Variants in SCN11A observed in about 807,000 individuals in gnomAD.
The protein encoded by SCN11A is sodium voltage-gated channel alpha subunit 11.
SCN11A carries 122 observed loss-of-function variants against 162.2 expected under a neutral mutation model. The ratio of observed to expected loss-of-function variants is 0.75; its 90% CI spans 0.65 to 0.87. SCN11A has a LOEUF of 0.87. Among genes scored for constraint, SCN11A ranks in the 40% least tolerant of loss-of-function variants. The pLI is 0.00. For synonymous variants in SCN11A, 758 were observed against 751.5 expected, an observed-to-expected ratio of 1.01 and a Z score of -0.14; for missense variants, 2,015 against 2,181.6, an observed-to-expected ratio of 0.92 and a Z score of 1.52.
intron 2 of SCN11A, among the ~76,000 whole-genome samples, chr3:38,982,037 A>G (rs2030077028): frequency 6.6e-6 from 1 of 152,010 alleles, no homozygotes; most frequent in African/African-American, 2.4e-5. Flanking sequence ...AACAAAAAGC[A>G]AAAAGAAAAA....
At chr3:39,002,317 C>A (rs2030840323) in intron 2 of SCN11A, among the ~76,000 whole-genome samples, 1 of 152,168 alleles carries the variant, frequency 6.6e-6, no homozygotes, top group South Asian at 2.1e-4. Flanking sequence ...TGACCCACAA[C>A]CAGTGCTTTA....
chr3:38,857,043 A>C (rs2064881593), intron 28 of SCN11A, among the ~76,000 whole-genome samples: 3 of 152,194 alleles, frequency 2.0e-5, no homozygotes. Flanking sequence ...GTAATAGTCT[A>C]CCCAAGTGAA....
chr3:38,861,108 G>T (rs533803426), intron 28 of SCN11A, among the ~76,000 whole-genome samples: 1 of 151,962 alleles, frequency 6.6e-6, no homozygotes, highest in African/African-American at 2.4e-5. Flanking sequence ...CAACCAAGCT[G>T]AGAAACAAAT....
At chr3:38,862,137 T>C (rs2126088434) in intron 28 of SCN11A, among the ~76,000 whole-genome samples, 1 of 151,984 alleles carries the variant, frequency 6.6e-6, no homozygotes, top group Non-Finnish European at 1.5e-5. Flanking sequence ...AGAAAAAAAA[T>C]GCTCAACATC....
In SCN11A at chr3:38,907,968, T is replaced by C; in HGVS notation, c.1454A>G (p.Asp485Gly). ...ACTTACCTTTTTTTGGCAATCTTCATCAGAATCTGACCCAGGAGGCTGGTC... is the reference window on the plus strand; with the variant it reads ...ACTTACCTTTTTTTGGCAATCTTCACCAGAATCTGACCCAGGAGGCTGGTC... ...GKDQPPGSDS[D>G]EDCQKKPQLL... The change falls in exon 14 of 30, where the codon GAT becomes GGT. Residue 485 changes from aspartate to glycine, a missense_variant. Coordinates refer to ENST00000302328, the MANE Select transcript of SCN11A (RefSeq NM_001349253.2). 1 of 1,603,224 alleles carries C rather than the reference T, an allele frequency of 6.2e-7. No homozygotes were observed. The highest frequency in any genetic ancestry group is 8.5e-7 in the Non-Finnish European group (1 of 1,177,528).
chr3:39,031,827 G>A (rs945264817), intron 2 of SCN11A, among the ~76,000 whole-genome samples: 9 of 152,112 alleles, frequency 5.9e-5, no homozygotes, highest in South Asian at 4.1e-4. Context: ...ATTAATATCC[G>A]TGATAGGCTT....
At chr3:38,892,118 G>A (rs1204239887) in intron 19 of SCN11A, among the ~76,000 whole-genome samples, 1 of 152,150 alleles carries the variant, frequency 6.6e-6, no homozygotes, top group Non-Finnish European at 1.5e-5. Context: ...CCAAAAGGCA[G>A]TGATATGATA....
At chr3:38,934,691 A>T (rs1297681265) in intron 7 of SCN11A, among the ~76,000 whole-genome samples, 1 of 151,938 alleles carries the variant, frequency 6.6e-6, no homozygotes, top group African/African-American at 2.4e-5. Context: ...TCCTAAATAT[A>T]TATGCACCCA....
chr3:38,912,292 C>A (rs1011896126), intron 11 of SCN11A, among the ~76,000 whole-genome samples: 1 of 152,024 alleles, frequency 6.6e-6, no homozygotes, highest in African/African-American at 2.4e-5. Flanking sequence ...GGTGATTAAG[C>A]CTCTCCGCCA....
chr3:38,923,353 C>T (rs937230190), intron 9 of SCN11A, among the ~76,000 whole-genome samples: 13 of 152,162 alleles, frequency 8.5e-5, no homozygotes, highest in African/African-American at 3.1e-4. Context: ...GAAATGGTAT[C>T]TCTAGCTCTG....
At chr3:39,020,568 TGA>T (rs1409140616) in intron 2 of SCN11A, among the ~76,000 whole-genome samples, 2 of 152,168 alleles carry the variant, frequency 1.3e-5, no homozygotes, top group South Asian at 2.1e-4. Flanking sequence ...TCCTGTCCCT[TGA>T]GAGAGAAAAT....
rs1553644473 is a variant in SCN11A, at chr3:38,950,078, C to CA, written c.267+17_267+18insT. ...GAACACCCCCACCCCCACCCCCCCC[C>CA]CCCGCCCAATGAAGTACCTTATGAT... On this transcript the variant is annotated intron_variant, in intron 5 of 29. Transcript: ENST00000302328. 7.1e-6 allele frequency: 1 copy of CA among 139,966 alleles called. No homozygotes were observed. Among genetic ancestry groups the CA allele is most frequent in the Non-Finnish European group, 1.5e-5 (1 of 65,376 alleles). The allele number at this position is 139,966 out of a possible 1,614,324, so 8.7% of individuals were successfully genotyped here.
At chr3:38,936,812 A>T (rs2066340108) in intron 7 of SCN11A, among the ~76,000 whole-genome samples, 1 of 152,240 alleles carries the variant, frequency 6.6e-6, no homozygotes, top group Admixed American at 6.5e-5. Flanking sequence ...TAAGTTATAG[A>T]TTCAATGCCA....
chr3:38,938,476 GAAGA>G (rs1339986904), intron 7 of SCN11A, among the ~76,000 whole-genome samples: 1 of 113,034 alleles, frequency 8.8e-6, no homozygotes, highest in Non-Finnish European at 1.8e-5. Flanking sequence ...AATGTATAAT[GAAGA>G]AAATAAAAGA....
intron 27 of SCN11A, among the ~76,000 whole-genome samples, chr3:38,864,613 T>C (rs2065014154): frequency 6.6e-6 from 1 of 152,174 alleles, no homozygotes; most frequent in East Asian, 1.9e-4. Context: ...CTTGTAGTCC[T>C]GAATTTTAAG....
chr3:38,899,678 G>C (rs755267405), intron 17 of SCN11A, among the ~76,000 whole-genome samples: 9 of 152,170 alleles, frequency 5.9e-5, no homozygotes, highest in Non-Finnish European at 1.0e-4. Flanking sequence ...ATCTCTGGCA[G>C]GAATGGGCTA....
At chr3:38,944,476 G>A (rs942196050) in intron 7 of SCN11A, among the ~76,000 whole-genome samples, 13 of 151,452 alleles carry the variant, frequency 8.6e-5, no homozygotes, top group Admixed American at 2.6e-4. Context: ...ACAGGCACCC[G>A]CCACCACGCC....
intron 2 of SCN11A, among the ~76,000 whole-genome samples, chr3:39,023,925 T>A (rs898077397): frequency 4.6e-5 from 7 of 152,112 alleles, no homozygotes; most frequent in African/African-American, 1.7e-4. Flanking sequence ...TTACAGGCAT[T>A]AGCCACTGTG....
Position 39,051,943 on chromosome 3 carries a change from A to G in SCN11A, c.-486T>C, listed in dbSNP as rs1575377278. 7.0e-6 allele frequency: 11 copies of G among 1,564,686 alleles called. No individual in the cohort carries two copies. The highest frequency in any genetic ancestry group is 9.7e-6 in the Non-Finnish European group (11 of 1,137,398). The stretch of plus-strand genomic sequence containing the variant: ...CTGTTTACCTTCAGCCCCGCCACTA[A>G]CCCTTGGCCAAAGGGAAAGGGGCAG... On this transcript the variant is annotated 5_prime_UTR_variant, in exon 1 of 30. Transcript: ENST00000302328.
Sources: allele counts gnomAD v4.1 joint callset (sites outside exome capture counted in the v4.1 genomes callset), GRCh38; gene constraint gnomAD v4.1.1; transcripts MANE v1.5; gene names NCBI Gene and HGNC (gene_info 2026-07-23, HGNC 2026-07-21).